The following PTPN14 variants were observed in gnomAD, a reference collection of about 807,000 sequenced individuals.
PTPN14 encodes the protein tyrosine-protein phosphatase non-receptor type 14.
Under a neutral mutation model 126.8 loss-of-function variants are expected in PTPN14, and 53 were observed. That is an observed-to-expected ratio of 0.42 (90% confidence interval 0.34 to 0.53). The LOEUF is 0.53. PTPN14 is among the 20% of genes least tolerant of loss of function. The pLI is 0.08. For missense variants in PTPN14, 1,257 were observed against 1,552.9 expected (o/e 0.81, Z 3.20); for synonymous variants, 630 against 599.3 (o/e 1.05, Z -0.75).
intron 12 of PTPN14, among the ~76,000 whole-genome samples, chr1:214,385,701 A>C (rs1658593169): frequency 6.6e-6 from 1 of 152,222 alleles, no homozygotes; most frequent in African/African-American, 2.4e-5. Flanking sequence ...ACAGAAAATC[A>C]GAGAAGGTGA....
At chr1:214,458,160 C>G (rs1572012478) in intron 2 of PTPN14, among the ~76,000 whole-genome samples, 1 of 152,224 alleles carries the variant, frequency 6.6e-6, no homozygotes, top group African/African-American at 2.4e-5. Context: ...AGGGATCCTC[C>G]TGCCTCAGAC....
intron 1 of PTPN14, among the ~76,000 whole-genome samples, chr1:214,470,726 G>A (rs1251677063): frequency 6.8e-6 from 1 of 147,564 alleles, no homozygotes; most frequent in Non-Finnish European, 1.5e-5. Flanking sequence ...AGAGGTTGCA[G>A]TGAGCCGAGA....
chr1:214,528,533 A>G (rs1655458049), intron 1 of PTPN14: 1 of 152,226 alleles, frequency 6.6e-6, no homozygotes, highest in Non-Finnish European at 1.5e-5. Context: ...ACATGATTAC[A>G]GTTATATAAT....
chr1:214,425,922 G>A (rs1052188166), intron 3 of PTPN14, among the ~76,000 whole-genome samples: 5 of 151,368 alleles, frequency 3.3e-5, no homozygotes, highest in Non-Finnish European at 7.4e-5. Context: ...CTCCCAGGGG[G>A]TAGGTGACTT....
chr1:214,457,236 A>G (rs536503034), intron 2 of PTPN14, among the ~76,000 whole-genome samples: 8 of 152,390 alleles, frequency 5.2e-5, no homozygotes, highest in African/African-American at 1.9e-4. Flanking sequence ...CTTTTAGTAA[A>G]GATCAAAATA....
At chr1:214,467,399 T>C (rs756281856) in intron 1 of PTPN14, among the ~76,000 whole-genome samples, 9 of 152,348 alleles carry the variant, frequency 5.9e-5, no homozygotes, top group Admixed American at 2.0e-4. Flanking sequence ...CATTTGGGTG[T>C]GTCTCACTGT....
chr1:214,401,621 T>C (rs1659020508), intron 7 of PTPN14, 64 bp downstream of exon 7: 2 of 1,376,480 alleles, frequency 1.5e-6, no homozygotes, highest in Non-Finnish European at 2.0e-6. Context: ...CTATCAACAA[T>C]GGTTTTCCAA....
At position 214,437,681 on chromosome 1, in the gene PTPN14, C is replaced by T. The variant is rs188766911; in HGVS notation, c.344+14124G>A. Among the ~76,000 whole-genome samples the T allele has an allele frequency of 4.6e-3, 696 of 152,216 alleles. 2 individuals are homozygous for T. The highest frequency in any genetic ancestry group is 0.02 in the Middle Eastern group (6 of 294). On this transcript the variant is annotated intron_variant, in intron 3 of 18. Transcript: ENST00000366956. ...TCCTTCTAGGATCCCCAGGAAGACGCCCACAATTTTTCTACTAAATAAGAC... is the reference window on the plus strand; with the variant it reads ...TCCTTCTAGGATCCCCAGGAAGACGTCCACAATTTTTCTACTAAATAAGAC...
chr1:214,481,544 A>C (rs1331420196), intron 1 of PTPN14, among the ~76,000 whole-genome samples: 1 of 147,484 alleles, frequency 6.8e-6, no homozygotes, highest in African/African-American at 2.5e-5. Context: ...ATAGAAATTA[A>C]AATATTCTAG....
intron 3 of PTPN14, among the ~76,000 whole-genome samples, chr1:214,415,560 T>C (rs1681451162): frequency 6.6e-6 from 1 of 152,224 alleles, no homozygotes; most frequent in African/African-American, 2.4e-5. Flanking sequence ...CTGGTAACTG[T>C]AACTCTGTAT....
chr1:214,517,252 C>T (rs751751727), intron 1 of PTPN14, among the ~76,000 whole-genome samples: 1 of 152,148 alleles, frequency 6.6e-6, no homozygotes, highest in African/African-American at 2.4e-5. Context: ...AAAATTTCCA[C>T]ATAAACAAAC....
At chr1:214,503,845 T>C (rs1366708172) in intron 1 of PTPN14, among the ~76,000 whole-genome samples, 2 of 152,270 alleles carry the variant, frequency 1.3e-5, no homozygotes, top group East Asian at 3.8e-4. Flanking sequence ...GTTTGCCTTA[T>C]GGCTTTTTGT....
chr1:214,444,094 CA>C (rs542150991), intron 3 of PTPN14, among the ~76,000 whole-genome samples: 2 of 152,208 alleles, frequency 1.3e-5, no homozygotes, highest in African/African-American at 4.8e-5. Context: ...AAATAAAAAA[CA>C]ATGCAAATGA....
At position 214,366,533 on chromosome 1, in the gene PTPN14, A is replaced by G. The variant is rs1658084928; in HGVS notation, c.3272-1858T>C. Among the ~76,000 whole-genome samples, 4 of 152,202 alleles carry G rather than the reference A, an allele frequency of 2.6e-5. No individual in the cohort carries two copies. In the South Asian group the frequency reaches 8.3e-4, roughly 32 times the overall value. ...TTCCTTACGCTGTAACTCAATAAAG[A>G]CTTCTGGCGGGCAGTAAACAATTTG... On this transcript the variant is annotated intron_variant, in intron 17 of 18. Transcript: ENST00000366956.
intron 18 of PTPN14, among the ~76,000 whole-genome samples, chr1:214,363,019 T>G (rs1571950499): frequency 6.6e-6 from 1 of 152,204 alleles, no homozygotes; most frequent in African/African-American, 2.4e-5. Flanking sequence ...CAGTGGCAGG[T>G]TACTCATTGT....
intron 11 of PTPN14, among the ~76,000 whole-genome samples, chr1:214,388,673 G>C (rs1481803735): frequency 6.6e-6 from 1 of 152,144 alleles, no homozygotes; most frequent in Non-Finnish European, 1.5e-5. Context: ...CTCCCAAAGT[G>C]CTGGGATTAC....
chr1:214,538,177 C>T (rs1272447619), intron 1 of PTPN14, among the ~76,000 whole-genome samples: 1 of 152,040 alleles, frequency 6.6e-6, no homozygotes, highest in Non-Finnish European at 1.5e-5. Flanking sequence ...ATTTATTAAA[C>T]AAGCTGGTGG....
At chr1:214,389,377 C>T (rs1027818258) in intron 11 of PTPN14, among the ~76,000 whole-genome samples, 3 of 152,172 alleles carry the variant, frequency 2.0e-5, no homozygotes, top group Non-Finnish European at 4.4e-5. Context: ...TATTTCATCT[C>T]GTTATATATT....
intron 3 of PTPN14, among the ~76,000 whole-genome samples, chr1:214,448,891 G>C (rs1301010401): frequency 6.6e-6 from 1 of 151,932 alleles, no homozygotes; most frequent in Non-Finnish European, 1.5e-5. Context: ...TGGCTCCTTG[G>C]ACTTCACTTA....
Sources: allele counts gnomAD v4.1 joint callset (sites outside exome capture counted in the v4.1 genomes callset), GRCh38; gene constraint gnomAD v4.1.1; transcripts MANE v1.5; gene names NCBI Gene and HGNC (gene_info 2026-07-23, HGNC 2026-07-21).